Variants in SLC24A2 observed in about 807,000 individuals in gnomAD.
SLC24A2 encodes the protein solute carrier family 24 member 2.
In SLC24A2, 36 loss-of-function variants were observed where a neutral mutation model predicts 62.0. The ratio of observed to expected loss-of-function variants is 0.58; its 90% CI spans 0.44 to 0.77. The LOEUF (loss-of-function observed/expected upper bound fraction) is 0.77, where lower values mean the gene tolerates loss of function less well. Ranked by LOEUF, SLC24A2 falls within the 30% of genes least tolerant of loss-of-function variation. The pLI is 0.00. For synonymous variants in SLC24A2, 358 were observed against 294.0 expected, an observed-to-expected ratio of 1.22 and a Z score of -2.23; for missense variants, 846 against 817.9, an observed-to-expected ratio of 1.03 and a Z score of -0.42.
the SLC24A2 span, among the ~76,000 whole-genome samples, chr9:19,896,880 T>A: frequency 6.6e-6 from 1 of 152,248 alleles, no homozygotes; most frequent in African/African-American, 2.4e-5. Flanking sequence ...CAGTAAAATG[T>A]CTTGTTATGC....
chr9:19,891,203 C>T, the SLC24A2 span, among the ~76,000 whole-genome samples: 3 of 152,168 alleles, frequency 2.0e-5, no homozygotes, highest in Non-Finnish European at 4.4e-5. Flanking sequence ...TTCTTTTCTT[C>T]AGTCTTGTCC....
At chr9:19,889,948 C>G in the SLC24A2 span, among the ~76,000 whole-genome samples, 4 of 152,186 alleles carry the variant, frequency 2.6e-5, no homozygotes, top group African/African-American at 9.7e-5. Flanking sequence ...TTCTGGTATT[C>G]CACCAAGCCT....
At chr9:19,735,988 C>A (rs1260079368) in intron 2 of SLC24A2, among the ~76,000 whole-genome samples, 1 of 151,754 alleles carries the variant, frequency 6.6e-6, no homozygotes, top group African/African-American at 2.4e-5. Flanking sequence ...CACATGTACC[C>A]CAAAACTTAA....
chr9:19,670,806 C>T (rs1819391886), intron 2 of SLC24A2, among the ~76,000 whole-genome samples: 1 of 152,120 alleles, frequency 6.6e-6, no homozygotes, highest in Non-Finnish European at 1.5e-5. Context: ...GCCTAGGTTA[C>T]CAGGTGGTAG....
At chr9:19,821,537 A>C in the SLC24A2 span, among the ~76,000 whole-genome samples, 1 of 152,142 alleles carries the variant, frequency 6.6e-6, no homozygotes, top group Non-Finnish European at 1.5e-5. Context: ...GATAATTGGG[A>C]GTAGAACTTC....
At chr9:20,190,854 A>G in the SLC24A2 span, among the ~76,000 whole-genome samples, 1 of 152,214 alleles carries the variant, frequency 6.6e-6, no homozygotes, top group Non-Finnish European at 1.5e-5. Context: ...CAAAAATGGT[A>G]CCTATTCACA....
At chr9:19,883,929 T>C in the SLC24A2 span, among the ~76,000 whole-genome samples, 2 of 152,194 alleles carry the variant, frequency 1.3e-5, no homozygotes, top group Non-Finnish European at 2.9e-5. Context: ...AGGTCTACCC[T>C]GTAAAAGGTG....
chr9:20,281,481 C>G, the SLC24A2 span, among the ~76,000 whole-genome samples: 3 of 152,146 alleles, frequency 2.0e-5, no homozygotes, highest in Non-Finnish European at 4.4e-5. Context: ...TTTTCTCGGT[C>G]ACTACTCTCC....
At chr9:19,849,729 G>A in the SLC24A2 span, among the ~76,000 whole-genome samples, 1 of 152,122 alleles carries the variant, frequency 6.6e-6, no homozygotes, top group Non-Finnish European at 1.5e-5. Flanking sequence ...AAACGTCTCT[G>A]TCCTTCTAAG....
At chr9:20,273,335 A>G in the SLC24A2 span, among the ~76,000 whole-genome samples, 1 of 152,210 alleles carries the variant, frequency 6.6e-6, no homozygotes, top group South Asian at 2.1e-4. Context: ...ATTCCCAGAG[A>G]AAAGAAACAA....
chr9:19,764,852 C>G (rs1265425545), intron 2 of SLC24A2, among the ~76,000 whole-genome samples: 2 of 152,054 alleles, frequency 1.3e-5, no homozygotes, highest in African/African-American at 4.8e-5. Context: ...CTGAATATCT[C>G]TGTTAATTTT....
the SLC24A2 span, chr9:19,957,319 G>A: frequency 6.6e-6 from 1 of 152,172 alleles, no homozygotes; most frequent in East Asian, 1.9e-4. Flanking sequence ...TGAAAAAGGA[G>A]TAGCGAGCAA....
the SLC24A2 span, among the ~76,000 whole-genome samples, chr9:19,867,873 C>A: frequency 0.63 from 96,073 of 151,754 alleles, 31,084 homozygotes; most frequent in Non-Finnish European, 0.71. Context: ...GCCCCACTGC[C>A]CTCCAGCCTG....
At chr9:19,744,156 C>T (rs1349407821) in intron 2 of SLC24A2, among the ~76,000 whole-genome samples, 1 of 152,140 alleles carries the variant, frequency 6.6e-6, no homozygotes, top group Non-Finnish European at 1.5e-5. Flanking sequence ...GACCTATGCC[C>T]TCCTCTCTTA....
chr9:19,958,568 A>T, the SLC24A2 span, among the ~76,000 whole-genome samples: 1 of 152,192 alleles, frequency 6.6e-6, no homozygotes, highest in Admixed American at 6.5e-5. Context: ...CAAGTCTAGG[A>T]TTCCAGTGTT....
the SLC24A2 span, among the ~76,000 whole-genome samples, chr9:20,044,159 G>C: frequency 6.6e-6 from 1 of 151,630 alleles, no homozygotes; most frequent in African/African-American, 2.4e-5. Context: ...TGTATATTTT[G>C]AAACACAATG....
At chr9:20,059,029 G>C in the SLC24A2 span, among the ~76,000 whole-genome samples, 1 of 152,180 alleles carries the variant, frequency 6.6e-6, no homozygotes, top group Non-Finnish European at 1.5e-5. Flanking sequence ...AAGTATTTAA[G>C]GCAAGACTAT....
chr9:19,953,497 A>T, the SLC24A2 span, among the ~76,000 whole-genome samples: 2 of 152,060 alleles, frequency 1.3e-5, no homozygotes, highest in Non-Finnish European at 2.9e-5. Flanking sequence ...AAGATTGAAT[A>T]AGTACTTTTC....
At chr9:19,663,081 G>A (rs1488156673) in intron 2 of SLC24A2, among the ~76,000 whole-genome samples, 1 of 152,184 alleles carries the variant, frequency 6.6e-6, no homozygotes, top group African/African-American at 2.4e-5. Context: ...ATAGGTAAAT[G>A]GCTAACTGCC....
Sources: allele counts gnomAD v4.1 joint callset (sites outside exome capture counted in the v4.1 genomes callset), GRCh38; gene constraint gnomAD v4.1.1; transcripts MANE v1.5; gene names NCBI Gene and HGNC (gene_info 2026-07-23, HGNC 2026-07-21).